SLC15A5: variants seen among roughly 807,000 people sequenced by gnomAD.
The protein encoded by SLC15A5 is solute carrier family 15 member 5, also known as Peptide/histidine transporter ENSP00000340402.
Under a neutral mutation model 56.1 loss-of-function variants are expected in SLC15A5, and 58 were observed. The observed-to-expected ratio is 1.03, with a 90% CI of 0.84 to 1.29. The LOEUF is 1.29. Ranked by LOEUF, SLC15A5 falls within the 50% of genes most tolerant of loss-of-function variation. The pLI is 0.00. For missense variants in SLC15A5, 681 were observed against 672.1 expected, an observed-to-expected ratio of 1.01 and a Z score of -0.15; for synonymous variants, 264 against 250.5, an observed-to-expected ratio of 1.05 and a Z score of -0.51.
chr12:16,256,840 C>G (rs1335329107), intron 3 of SLC15A5, among the ~76,000 whole-genome samples: 2 of 135,214 alleles, frequency 1.5e-5, no homozygotes, highest in Non-Finnish European at 3.1e-5. Context: ...GCCTGGACGA[C>G]AGAGAGAGGC....
chr12:16,242,032 A>G (rs879615483), intron 4 of SLC15A5, among the ~76,000 whole-genome samples: 5 of 152,190 alleles, frequency 3.3e-5, no homozygotes, highest in Non-Finnish European at 5.9e-5. Context: ...AATTGCTGTC[A>G]ATAGAGATTC....
chr12:16,238,810 A>G (rs1036164409), intron 5 of SLC15A5, among the ~76,000 whole-genome samples: 1 of 152,186 alleles, frequency 6.6e-6, no homozygotes, highest in African/African-American at 2.4e-5. Context: ...TCACCAAACA[A>G]TTAAATGTGT....
chr12:16,256,950 A>ATAGATAGATAGTTAGT (rs1166047909), intron 3 of SLC15A5, among the ~76,000 whole-genome samples: 12 of 142,230 alleles, frequency 8.4e-5, no homozygotes, highest in African/African-American at 3.1e-4. Flanking sequence ...AGATAGATAG[A>ATAGATAGATAGTTAGT]TAGTTTCTGG....
At chr12:16,246,783 G>A (rs1864465969) in intron 3 of SLC15A5, among the ~76,000 whole-genome samples, 1 of 151,818 alleles carries the variant, frequency 6.6e-6, no homozygotes. Context: ...GATAAACTTG[G>A]ATCTGCTTCT....
rs1272602232 is a variant in SLC15A5, at chr12:16,269,025, T to C, written c.584+3536A>G. ...GAGAGCTCCTTTGCCCCTTCCACTA[T>C]GTGAAGACACAGTGAGAAGCCAGCA... On this transcript the variant is annotated intron_variant, in intron 2 of 8. Coordinates refer to ENST00000344941, the MANE Select transcript of SLC15A5 (RefSeq NM_001170798.1). The surrounding 1 kb of genome is among the most constrained non-coding windows in gnomAD (Gnocchi z 4.7). Among the ~76,000 whole-genome samples the C allele has an allele frequency of 6.6e-6, 1 of 151,764 alleles. No homozygotes were observed. The highest frequency in any genetic ancestry group is 1.5e-5 in the Non-Finnish European group (1 of 67,926).
At chr12:16,210,268 G>T (rs887606047) in intron 7 of SLC15A5, among the ~76,000 whole-genome samples, 3 of 152,054 alleles carry the variant, frequency 2.0e-5, no homozygotes, top group Non-Finnish European at 4.4e-5. Context: ...ACTCTACCTC[G>T]ACTTATAAAT....
rs1798688 is a variant in SLC15A5, at chr12:16,271,599, A to G, written c.584+962T>C. Among the ~76,000 whole-genome samples, 49 of 152,044 alleles carry G rather than the reference A, an allele frequency of 3.2e-4. No homozygotes were observed. The highest frequency in any genetic ancestry group is 1.3e-3 in the Admixed American group (20 of 15,256). ...GGAGCAAGAGAAAGAAAAAGAAAGAAAGAGAAAAGAGGAACTGCCTCGGAT... is the reference window on the plus strand; with the variant it reads ...GGAGCAAGAGAAAGAAAAAGAAAGAGAGAGAAAAGAGGAACTGCCTCGGAT... On this transcript the variant is annotated intron_variant, in intron 2 of 8. Transcript: ENST00000344941. This position sits in a 1 kb window ranked among gnomAD's most constrained non-coding sequence, Gnocchi z 8.0.
At chr12:16,237,000 T>C (rs1334595743) in intron 5 of SLC15A5, among the ~76,000 whole-genome samples, 1 of 152,148 alleles carries the variant, frequency 6.6e-6, no homozygotes, top group Non-Finnish European at 1.5e-5. Context: ...TAAATGATGG[T>C]TTATCATGAG....
intron 7 of SLC15A5, among the ~76,000 whole-genome samples, chr12:16,208,791 A>C (rs1334664934): frequency 6.6e-6 from 1 of 152,230 alleles, no homozygotes; most frequent in Non-Finnish European, 1.5e-5. Flanking sequence ...TAGTGTAAGA[A>C]GGTGTATGCA....
chr12:16,218,754 T>C (rs575007843), intron 6 of SLC15A5, among the ~76,000 whole-genome samples: 1 of 152,346 alleles, frequency 6.6e-6, no homozygotes, highest in South Asian at 2.1e-4. Context: ...ATGACTGTAC[T>C]GTAAACACTA....
At chr12:16,217,085 T>G in intron 6 of SLC15A5, 61 bp from the exon 7 acceptor site, 1 of 1,450,050 alleles carries the variant, frequency 6.9e-7, no homozygotes, top group Non-Finnish European at 9.0e-7. Flanking sequence ...TCATAGAGAC[T>G]GTTCAAATTG....
intron 7 of SLC15A5, among the ~76,000 whole-genome samples, chr12:16,197,296 C>T (rs1863903876): frequency 6.6e-6 from 1 of 152,042 alleles, no homozygotes; most frequent in African/African-American, 2.4e-5. Flanking sequence ...AGAGAAGCAT[C>T]GCCTGAATTG....
intron 2 of SLC15A5, among the ~76,000 whole-genome samples, chr12:16,268,956 G>A (rs1864721808): frequency 6.6e-6 from 1 of 151,806 alleles, no homozygotes; most frequent in African/African-American, 2.4e-5. Flanking sequence ...CATAGGGGTG[G>A]AACCCTTCTG....
chr12:16,229,641 C>CACAT (rs1207488991), intron 5 of SLC15A5, among the ~76,000 whole-genome samples: 16 of 113,642 alleles, frequency 1.4e-4, no homozygotes, highest in African/African-American at 4.9e-4. Context: ...AAGCAACACA[C>CACAT]ACACATACAC....
chr12:16,247,794 A>T (rs552743486), intron 3 of SLC15A5, among the ~76,000 whole-genome samples: 1 of 152,164 alleles, frequency 6.6e-6, no homozygotes, highest in South Asian at 2.1e-4. Flanking sequence ...AAAGTAAGGA[A>T]CTTGACGTTT....
intron 2 of SLC15A5, among the ~76,000 whole-genome samples, chr12:16,265,104 T>A (rs886601747): frequency 6.6e-6 from 1 of 152,188 alleles, no homozygotes; most frequent in African/African-American, 2.4e-5. Context: ...TCTCATATGA[T>A]CTTGTTTTCA....
chr12:16,248,597 G>A (rs1201882454), intron 3 of SLC15A5, among the ~76,000 whole-genome samples: 1 of 152,106 alleles, frequency 6.6e-6, no homozygotes, highest in South Asian at 2.1e-4. Flanking sequence ...AGTGGCCCTT[G>A]TCCCATGAAA....
intron 7 of SLC15A5, among the ~76,000 whole-genome samples, chr12:16,203,703 G>A (rs896599068): frequency 4.6e-5 from 7 of 152,112 alleles, no homozygotes; most frequent in Admixed American, 1.3e-4. Context: ...CCATTGCCCC[G>A]TAAGCTCTGG....
intron 5 of SLC15A5, 70 bp downstream of exon 5, chr12:16,239,611 C>T (rs11056836): frequency 0.27 from 382,968 of 1,422,462 alleles, 54,167 homozygotes; most frequent in East Asian, 0.49. Flanking sequence ...ATAGCTAGTT[C>T]GGATCTTAGC....
Sources: allele counts gnomAD v4.1 joint callset (sites outside exome capture counted in the v4.1 genomes callset), GRCh38; gene constraint gnomAD v4.1.1; non-coding constraint Gnocchi (gnomAD v3.1); transcripts MANE v1.5; gene names NCBI Gene and HGNC (gene_info 2026-07-23, HGNC 2026-07-21).